TMEM196: variants seen among roughly 807,000 people sequenced by gnomAD.
The protein encoded by TMEM196 is transmembrane protein 196.
A neutral mutation model predicts 20.0 loss-of-function variants in TMEM196; 17 were observed. The ratio of observed to expected loss-of-function variants is 0.85; its 90% CI spans 0.58 to 1.27. TMEM196 has a LOEUF of 1.27. TMEM196 is among the 50% of genes most tolerant of loss of function. The probability of loss-of-function intolerance (pLI) is 0.00; values close to 1 mark genes in which losing one functional copy is unlikely to be tolerated. For synonymous variants in TMEM196, 113 were observed against 88.9 expected, an observed-to-expected ratio of 1.27 and a Z score of -1.52; for missense variants, 267 against 223.0, an observed-to-expected ratio of 1.20 and a Z score of -1.26.
intron 1 of TMEM196, among the ~76,000 whole-genome samples, chr7:19,747,237 A>G (rs1201538504): frequency 1.3e-5 from 2 of 148,330 alleles, no homozygotes; most frequent in South Asian, 2.2e-4. Flanking sequence ...CCTGGGCGAC[A>G]GAGCGAGACT....
Position 19,772,581 on chromosome 7 carries a change from T to C in TMEM196, c.116A>G (p.Glu39Gly). ...GAVSFSLALR[E>G]HKPQLGDSSP... Reference sequence around the variant, plus strand: ...CGAGTCTCCGAGCTGCGGCTTGTGCTCTCGGAGGGCCAGGCTGAAGCTGAC... The same window carrying C: ...CGAGTCTCCGAGCTGCGGCTTGTGCCCTCGGAGGGCCAGGCTGAAGCTGAC... Residue 39 changes from glutamate to glycine, a missense_variant, in exon 1 of 5, where the codon GAG becomes GGG. Physicochemically the swap from Glu to Gly is moderately conservative, Grantham distance 98. Coordinates refer to ENST00000405844, the MANE Select transcript of TMEM196 (RefSeq NM_001363562.2). 1 of 1,544,968 alleles carries C rather than the reference T, an allele frequency of 6.5e-7. No individual in the cohort carries two copies. Among genetic ancestry groups the C allele is most frequent in the South Asian group, 1.2e-5 (1 of 83,310 alleles).
chr7:19,766,250 A>C (rs1160252388), intron 1 of TMEM196, among the ~76,000 whole-genome samples: 1 of 152,150 alleles, frequency 6.6e-6, no homozygotes, highest in Non-Finnish European at 1.5e-5. Flanking sequence ...TTAGATCTGC[A>C]GTTATAAGGA....
At chr7:19,765,265 C>A (rs1326765578) in intron 1 of TMEM196, among the ~76,000 whole-genome samples, 1 of 152,032 alleles carries the variant, frequency 6.6e-6, no homozygotes, top group Non-Finnish European at 1.5e-5. Flanking sequence ...TTCTTTTTGC[C>A]TTGACCACAT....
intron 1 of TMEM196, among the ~76,000 whole-genome samples, chr7:19,745,273 G>T (rs1784712580): frequency 6.6e-6 from 1 of 152,024 alleles, no homozygotes; most frequent in South Asian, 2.1e-4. Flanking sequence ...ATCTGCAGTT[G>T]GTTGAATTGG....
rs1047674679 is a variant in TMEM196 at position 19,721,347 on chromosome 7, T to C, written c.*781A>G. ...ACATGTTCTATATTTACAGTATGTATACACACATTCACACACATACTTTAT... is the reference window on the plus strand; with the variant it reads ...ACATGTTCTATATTTACAGTATGTACACACACATTCACACACATACTTTAT... On this transcript the variant is annotated 3_prime_UTR_variant, in exon 5 of 5. Coordinates refer to ENST00000405844, the MANE Select transcript of TMEM196 (RefSeq NM_001363562.2). 6.6e-6 allele frequency: 1 copy of C among 152,020 alleles called. No individual in the cohort carries two copies. Among genetic ancestry groups the C allele is most frequent in the African/African-American group, 2.4e-5 (1 of 41,456 alleles). The allele number at this position is 152,020 out of a possible 1,614,324, so 9.4% of individuals were successfully genotyped here. A position where few individuals can be genotyped will look rare whatever the true frequency, so the allele number is the denominator to read the frequency against.
intron 1 of TMEM196, among the ~76,000 whole-genome samples, chr7:19,731,913 T>C (rs1242320468): frequency 6.6e-6 from 1 of 152,134 alleles, no homozygotes; most frequent in Non-Finnish European, 1.5e-5. Context: ...CAAAATCACA[T>C]GTCCTAGAGA....
In TMEM196 at chr7:19,739,360, G is replaced by A. The variant is rs551536086; in HGVS notation, c.148-9922C>T. On this transcript the variant is annotated intron_variant, in intron 1 of 4. Coordinates refer to ENST00000405844, the MANE Select transcript of TMEM196 (RefSeq NM_001363562.2). ...TGTGTAATATAAGTATAAATAAGGA[G>A]AAAACTTAAAAACATTAATGAAGAA... is the stretch of plus-strand genomic sequence containing the variant. 2.0e-5 allele frequency among the ~76,000 whole-genome samples: 3 copies of A among 152,066 alleles called. 1 individual carries two copies. The highest frequency in any genetic ancestry group is 7.2e-5 in the African/African-American group (3 of 41,520).
intron 1 of TMEM196, 23 bp from the exon 2 acceptor site, chr7:19,729,461 T>C (rs1239500690): frequency 6.5e-7 from 1 of 1,548,240 alleles, no homozygotes; most frequent in East Asian, 2.5e-5. Flanking sequence ...AGAAGAACAA[T>C]TACTCCTTAT....
At chr7:19,761,749 C>T (rs118114268) in intron 1 of TMEM196, among the ~76,000 whole-genome samples, 4 of 152,242 alleles carry the variant, frequency 2.6e-5, no homozygotes, top group East Asian at 1.9e-4. Context: ...GAATAAATTT[C>T]GGAAGAAATC....
intron 1 of TMEM196, among the ~76,000 whole-genome samples, chr7:19,731,111 A>G (rs1453557500): frequency 6.6e-6 from 1 of 152,188 alleles, no homozygotes; most frequent in Non-Finnish European, 1.5e-5. Flanking sequence ...AGTATTTATT[A>G]ATAGAAAAAA....
chr7:19,725,667 T>A lies in TMEM196; in HGVS notation c.306A>T (p.Pro102=), dbSNP rs1472427530. 2 of 1,613,858 alleles carry A rather than the reference T, an allele frequency of 1.2e-6. No individual in the cohort carries two copies. Among genetic ancestry groups the A allele is most frequent in the Non-Finnish European group, 8.5e-7 (1 of 1,179,912 alleles). Residue 102 remains proline (P), a synonymous_variant, in exon 3 of 5, where the codon CCA becomes CCT. Transcript: ENST00000405844. ...CGAGAGACATGGAGGCAAGGTGCAGTGGGTATAGGGAGGAAGTTTTCTTTG... is the reference window on the plus strand; with the variant it reads ...CGAGAGACATGGAGGCAAGGTGCAGAGGGTATAGGGAGGAAGTTTTCTTTG... ...AVTKKTSSLY[P]LHLASMSLAC... is the part of the protein sequence containing the mutation.
intron 1 of TMEM196, among the ~76,000 whole-genome samples, chr7:19,738,223 C>A (rs114353418): frequency 6.6e-6 from 1 of 151,834 alleles, no homozygotes; most frequent in Non-Finnish European, 1.5e-5. Flanking sequence ...TAAGTAAATG[C>A]GTAGATGGTA....
rs752976958 is a variant in TMEM196 at position 19,722,048 on chromosome 7, A to G, written c.*80T>C. On this transcript the variant is annotated 3_prime_UTR_variant, in exon 5 of 5. Transcript: ENST00000405844. ...TCTCATTGCCTCATGAAAATCCTAA[A>G]AAGTGTTCAATTCTTTAAAACATTG... The G allele has an allele frequency of 4.4e-6, 7 of 1,597,284 alleles. No homozygotes were observed. In the East Asian group the frequency reaches 1.6e-4, roughly 36 times the overall value.
chr7:19,766,919 C>G (rs913344861), intron 1 of TMEM196, among the ~76,000 whole-genome samples: 4 of 152,000 alleles, frequency 2.6e-5, no homozygotes, highest in Non-Finnish European at 5.9e-5. Context: ...AATACAGAGA[C>G]CGAACTAAGA....
intron 1 of TMEM196, among the ~76,000 whole-genome samples, chr7:19,733,709 T>C (rs989643808): frequency 1.3e-5 from 2 of 150,712 alleles, no homozygotes; most frequent in African/African-American, 2.4e-5. Context: ...ATCTTGGGCC[T>C]GGCATCCTAT....
intron 1 of TMEM196, among the ~76,000 whole-genome samples, chr7:19,766,178 T>C (rs926543537): frequency 6.6e-6 from 1 of 152,198 alleles, no homozygotes; most frequent in Non-Finnish European, 1.5e-5. Flanking sequence ...GATACCGTTA[T>C]ATTGAGTGAG....
rs1167086270 is a variant in TMEM196, at chr7:19,772,792, A to G, written c.-96T>C. On this transcript the variant is annotated 5_prime_UTR_variant, in exon 1 of 5. Coordinates refer to ENST00000405844, the MANE Select transcript of TMEM196 (RefSeq NM_001363562.2). ...CTCCTTACCCCTTCCACCCCCTACCAGATCCCAAAACTTTTCTTTCTTCAA... is the reference window on the plus strand; with the variant it reads ...CTCCTTACCCCTTCCACCCCCTACCGGATCCCAAAACTTTTCTTTCTTCAA... 6 of 1,204,326 alleles carry G rather than the reference A, an allele frequency of 5.0e-6. No homozygotes were observed. The African/African-American group carries it at 7.9e-5, about 16-fold the overall frequency. The allele number at this position is 1,204,326 out of a possible 1,614,324, so 74.6% of individuals were successfully genotyped here.
intron 1 of TMEM196, among the ~76,000 whole-genome samples, chr7:19,771,631 A>G (rs1785886645): frequency 6.6e-6 from 1 of 152,246 alleles, no homozygotes; most frequent in Admixed American, 6.5e-5. Flanking sequence ...ATCCAGAAGT[A>G]TATGACACAT....
At chr7:19,771,827 G>A (rs1270507331) in intron 1 of TMEM196, among the ~76,000 whole-genome samples, 3 of 152,184 alleles carry the variant, frequency 2.0e-5, no homozygotes, top group Non-Finnish European at 4.4e-5. Context: ...GTTTCTCTGA[G>A]CAGTTAGGTA....
Sources: gnomAD v4.1 joint callset for allele counts (sites outside exome capture counted in the v4.1 genomes callset) on GRCh38, gnomAD v4.1.1 for gene constraint, MANE v1.5 for transcripts, NCBI Gene and HGNC (gene_info 2026-07-23, HGNC 2026-07-21) for gene names.